Variants in IL1RAPL2 observed in about 807,000 individuals in gnomAD.
The protein encoded by IL1RAPL2 is interleukin 1 receptor accessory protein like 2, also known as X-linked interleukin-1 receptor accessory protein-like 2.
Under a neutral mutation model 44.1 loss-of-function variants are expected in IL1RAPL2, and 3 were observed. The observed-to-expected ratio is 0.07, with a 90% CI of 0.03 to 0.18. The LOEUF (loss-of-function observed/expected upper bound fraction) is 0.18. Ranked by LOEUF, IL1RAPL2 falls within the 10% of genes least tolerant of loss-of-function variation. The probability of loss-of-function intolerance (pLI) is 1.00; values close to 1 mark genes in which losing one functional copy is unlikely to be tolerated. For synonymous variants in IL1RAPL2, 181 were observed against 178.8 expected (o/e 1.01, Z -0.10); for missense variants, 391 against 496.4 (o/e 0.79, Z 2.02).
chrX:105,500,193 G>C (rs2036383313), intron 6 of IL1RAPL2, among the ~76,000 whole-genome samples: 1 of 111,068 alleles, frequency 9.0e-6, no homozygotes, highest in African/African-American at 3.3e-5. Context: ...GAAATTGGAA[G>C]TTGCTGTTCA....
chrX:105,108,244 C>T (rs1831751656), intron 2 of IL1RAPL2, among the ~76,000 whole-genome samples: 1 of 111,930 alleles, frequency 8.9e-6, no homozygotes, highest in Non-Finnish European at 1.9e-5. Context: ...AACTCACTAC[C>T]CTCTGCAATA....
At chrX:105,616,722 C>T (rs945976915) in intron 6 of IL1RAPL2, among the ~76,000 whole-genome samples, 1 of 111,109 alleles carries the variant, frequency 9.0e-6, no homozygotes, top group Admixed American at 9.6e-5. Context: ...TCCTGATCTA[C>T]GGCTTTCCTT....
intron 4 of IL1RAPL2, among the ~76,000 whole-genome samples, chrX:105,264,601 T>A (rs2034387027): frequency 9.0e-6 from 1 of 111,621 alleles, no homozygotes; most frequent in Non-Finnish European, 1.9e-5. Context: ...GGCGTATTAG[T>A]GGAGGCAGGA....
intron 1 of IL1RAPL2, among the ~76,000 whole-genome samples, chrX:104,613,238 T>C (rs1029819846): frequency 4.5e-5 from 5 of 111,654 alleles, no homozygotes; most frequent in African/African-American, 1.6e-4. Context: ...CTGTGTCTTA[T>C]TCCAGTTGTC....
At chrX:105,020,804 TAA>T (rs1482639306) in intron 2 of IL1RAPL2, among the ~76,000 whole-genome samples, 1 of 111,328 alleles carries the variant, frequency 9.0e-6, no homozygotes, top group Admixed American at 9.6e-5. Context: ...ACTTGAACAG[TAA>T]CTCAGCAAGG....
intron 2 of IL1RAPL2, among the ~76,000 whole-genome samples, chrX:104,818,366 G>T (rs1278961697): frequency 9.9e-6 from 1 of 100,789 alleles, no homozygotes; most frequent in Non-Finnish European, 1.9e-5. Flanking sequence ...AAAAAAAAAG[G>T]TCAGTTTTTC....
intron 1 of IL1RAPL2, among the ~76,000 whole-genome samples, chrX:104,643,216 G>A (rs1017012833): frequency 2.0e-4 from 22 of 111,714 alleles, no homozygotes; most frequent in Non-Finnish European, 3.8e-4. Context: ...GGAGAAAGAG[G>A]TAAATTTTTT....
At chrX:104,917,223 A>T (rs1376362174) in intron 2 of IL1RAPL2, among the ~76,000 whole-genome samples, 1 of 111,438 alleles carries the variant, frequency 9.0e-6, no homozygotes, top group South Asian at 3.8e-4. Flanking sequence ...TTGGTAAGCT[A>T]TTGATTATTG....
chrX:105,254,000 G>T (rs2034294355), intron 4 of IL1RAPL2, among the ~76,000 whole-genome samples: 1 of 111,784 alleles, frequency 8.9e-6, no homozygotes. Context: ...GAATAGTGCT[G>T]CAGTGAACAT....
chrX:105,388,730 T>A (rs1375672186), intron 5 of IL1RAPL2, among the ~76,000 whole-genome samples: 1 of 111,355 alleles, frequency 9.0e-6, no homozygotes, highest in Non-Finnish European at 1.9e-5. Context: ...TCCTGCGTTT[T>A]CTTATGTCTA....
intron 2 of IL1RAPL2, among the ~76,000 whole-genome samples, chrX:104,946,039 T>C (rs954952477): frequency 8.2e-5 from 9 of 110,402 alleles, no homozygotes; most frequent in African/African-American, 9.9e-5. Context: ...TTTTACAAAG[T>C]CCAAATTATC....
intron 2 of IL1RAPL2, among the ~76,000 whole-genome samples, chrX:104,672,228 T>C (rs1019150415): frequency 9.0e-6 from 1 of 111,466 alleles, no homozygotes; most frequent in Admixed American, 9.5e-5. Flanking sequence ...TAGCGTTAGG[T>C]ATAACTCCCA....
intron 2 of IL1RAPL2, among the ~76,000 whole-genome samples, chrX:105,058,509 G>A (rs1420402134): frequency 1.8e-5 from 2 of 112,320 alleles, no homozygotes; most frequent in African/African-American, 6.5e-5. Context: ...CTGAACATAT[G>A]TGGAAACTTA....
chrX:105,704,543 C>A (rs1003626560), intron 6 of IL1RAPL2, among the ~76,000 whole-genome samples: 4 of 111,770 alleles, frequency 3.6e-5, no homozygotes, highest in African/African-American at 1.3e-4. Context: ...ATTAAATATA[C>A]TTTAAAAAAT....
At chrX:105,644,463 G>A (rs753058219) in intron 6 of IL1RAPL2, among the ~76,000 whole-genome samples, 1 of 110,950 alleles carries the variant, frequency 9.0e-6, no homozygotes, top group African/African-American at 3.3e-5. Context: ...ACCTCATTCA[G>A]GAATCGTTTC....
chrX:105,445,629 T>A (rs1027018577), intron 5 of IL1RAPL2, among the ~76,000 whole-genome samples: 10 of 111,768 alleles, frequency 8.9e-5, no homozygotes, highest in Non-Finnish European at 1.9e-4. Flanking sequence ...ATTTTCTTCT[T>A]AATTTCTTCA....
chrX:105,205,417 C>G (rs1465347780), intron 3 of IL1RAPL2, among the ~76,000 whole-genome samples: 2 of 105,502 alleles, frequency 1.9e-5, no homozygotes, highest in Non-Finnish European at 3.9e-5. Context: ...GGTGTAACCC[C>G]TGTCTCTACT....
In IL1RAPL2 at chrX:105,363,295, TATATATATATATA is replaced by T. The variant is rs201445229; in HGVS notation, c.697+95768_697+95780del. On this transcript the variant is annotated intron_variant, in intron 5 of 10. Coordinates refer to ENST00000372582, the MANE Select transcript of IL1RAPL2 (RefSeq NM_017416.2). ...TATGTGTGTATATATATATAATATA[TATATATATATATA>T]ATATATATATATATATATATATTCT... Among the ~76,000 whole-genome samples, 558 of 79,728 alleles carry T rather than the reference TATATATATATATA, an allele frequency of 7.0e-3. 14 individuals carry two copies. The highest frequency in any genetic ancestry group is 0.04 in the African/African-American group (501 of 12,539). The allele number at this position is 79,728 out of a possible 115,157, so 69.2% of individuals were successfully genotyped here. A position where few individuals can be genotyped will look rare whatever the true frequency, so the allele number is the denominator to read the frequency against.
At chrX:105,348,985 C>A (rs2035131867) in intron 5 of IL1RAPL2, among the ~76,000 whole-genome samples, 1 of 112,097 alleles carries the variant, frequency 8.9e-6, no homozygotes, top group South Asian at 3.7e-4. Flanking sequence ...GGGTCAATTT[C>A]TGTGTTTATT....
Sources: allele counts gnomAD v4.1 joint callset (sites outside exome capture counted in the v4.1 genomes callset), GRCh38; gene constraint gnomAD v4.1.1; transcripts MANE v1.5; gene names NCBI Gene and HGNC (gene_info 2026-07-23, HGNC 2026-07-21).